Variants in PPP1R9A observed in about 807,000 individuals in gnomAD.
PPP1R9A encodes neurabin-1.
PPP1R9A carries 59 observed loss-of-function variants against 141.9 expected under a neutral mutation model. That is an observed-to-expected ratio of 0.42 (90% CI 0.34 to 0.52). PPP1R9A has a LOEUF of 0.52. Among genes scored for constraint, PPP1R9A ranks in the 20% least tolerant of loss-of-function variants. PPP1R9A has a pLI of 0.10. For missense variants in PPP1R9A, 1,444 were observed against 1,611.9 expected, an observed-to-expected ratio of 0.90 and a Z score of 1.78; for synonymous variants, 500 against 569.7, an observed-to-expected ratio of 0.88 and a Z score of 1.74.
chr7:95,219,236 T>G (rs1794026270), intron 7 of PPP1R9A, among the ~76,000 whole-genome samples: 1 of 152,158 alleles, frequency 6.6e-6, no homozygotes, highest in Non-Finnish European at 1.5e-5. Context: ...GAAGCTTAGT[T>G]TGGCTGGATA....
chr7:94,993,143 A>G (rs1801729229), intron 2 of PPP1R9A, among the ~76,000 whole-genome samples: 1 of 151,562 alleles, frequency 6.6e-6, no homozygotes, highest in Admixed American at 6.6e-5. Flanking sequence ...CCTTTTTTCA[A>G]AAAGACCATC....
intron 2 of PPP1R9A, among the ~76,000 whole-genome samples, chr7:95,026,786 A>C (rs1019383876): frequency 2.6e-5 from 4 of 152,084 alleles, no homozygotes; most frequent in Non-Finnish European, 5.9e-5. Flanking sequence ...CCTGCCCAGA[A>C]TGTGGGAATC....
intron 3 of PPP1R9A, among the ~76,000 whole-genome samples, chr7:95,112,041 A>G (rs568649029): frequency 9.1e-4 from 136 of 149,860 alleles, no homozygotes; most frequent in African/African-American, 3.0e-3. Flanking sequence ...GAGAGCTTTG[A>G]AAAAAAAAAG....
At chr7:95,278,297 A>C (rs1254816363) in intron 16 of PPP1R9A, among the ~76,000 whole-genome samples, 4 of 152,212 alleles carry the variant, frequency 2.6e-5, no homozygotes, top group Non-Finnish European at 4.4e-5. Context: ...GAGAATAATG[A>C]ATGCTGGACT....
chr7:94,966,071 C>G (rs971785402), intron 2 of PPP1R9A, among the ~76,000 whole-genome samples: 17 of 152,096 alleles, frequency 1.1e-4, no homozygotes, highest in African/African-American at 4.1e-4. Flanking sequence ...AGTTTATTCT[C>G]TTTGTAGCAA....
At position 95,290,458 on chromosome 7, in the gene PPP1R9A, T is replaced by C. The variant is rs1035887230; in HGVS notation, c.*155T>C. Reference sequence around the variant, plus strand: ...CTGTGTGTTGAATAACTGCATTTTCTGCAATAGAATGCACTCTTAATTTTA... The same window carrying C: ...CTGTGTGTTGAATAACTGCATTTTCCGCAATAGAATGCACTCTTAATTTTA... On this transcript the variant is annotated 3_prime_UTR_variant, in exon 20 of 20. Coordinates refer to ENST00000433360, the MANE Select transcript of PPP1R9A (RefSeq NM_001166160.2). 8 of 782,264 alleles carry C rather than the reference T, an allele frequency of 1.0e-5. No individual in the cohort carries two copies. In the Admixed American group the frequency reaches 1.8e-4, roughly 17 times the overall value. 48.5% of individuals were successfully genotyped at this position (782,264 alleles called of 1,614,324 possible). A position where few individuals can be genotyped will look rare whatever the true frequency, so the allele number is the denominator to read the frequency against.
intron 4 of PPP1R9A, among the ~76,000 whole-genome samples, chr7:95,161,666 A>G (rs911322703): frequency 6.6e-6 from 1 of 152,178 alleles, no homozygotes; most frequent in Non-Finnish European, 1.5e-5. Context: ...AAAATATTTT[A>G]TATCCACAAT....
chr7:95,249,656 A>G (rs1406357499), intron 9 of PPP1R9A, among the ~76,000 whole-genome samples: 1 of 151,970 alleles, frequency 6.6e-6, no homozygotes, highest in Non-Finnish European at 1.5e-5. Context: ...AATTTTTTAT[A>G]TATAATTATA....
intron 2 of PPP1R9A, among the ~76,000 whole-genome samples, chr7:95,059,901 C>T (rs750394733): frequency 2.0e-5 from 3 of 152,000 alleles, no homozygotes; most frequent in Non-Finnish European, 4.4e-5. Flanking sequence ...GGAGGGGAGA[C>T]GGGAACATCA....
chr7:95,177,173 G>T (rs2152773408), intron 5 of PPP1R9A, among the ~76,000 whole-genome samples: 1 of 152,250 alleles, frequency 6.6e-6, no homozygotes, highest in Admixed American at 6.5e-5. Flanking sequence ...AGACTTCTCA[G>T]CAGAAACCCT....
At chr7:94,970,632 C>CTTTTTTT (rs565331782) in intron 2 of PPP1R9A, among the ~76,000 whole-genome samples, 1 of 127,744 alleles carries the variant, frequency 7.8e-6, no homozygotes, top group Non-Finnish European at 1.7e-5. Flanking sequence ...TGCCAGCCAC[C>CTTTTTTT]TTTTTTTTTT....
intron 2 of PPP1R9A, among the ~76,000 whole-genome samples, chr7:94,944,395 C>A (rs1006166105): frequency 6.6e-6 from 1 of 152,048 alleles, no homozygotes; most frequent in African/African-American, 2.4e-5. Context: ...GCCCCTTACA[C>A]ACTCACTAAA....
intron 4 of PPP1R9A, among the ~76,000 whole-genome samples, chr7:95,121,793 A>G (rs998404763): frequency 6.6e-6 from 1 of 152,122 alleles, no homozygotes; most frequent in Non-Finnish European, 1.5e-5. Context: ...TTGCTTTTAT[A>G]ACAAACCCAC....
intron 9 of PPP1R9A, 29 bp from the exon 10 acceptor site, chr7:95,249,997 A>G (rs758573652): frequency 2.6e-5 from 40 of 1,536,404 alleles, no homozygotes; most frequent in Non-Finnish European, 3.3e-5. Context: ...TGGCCAAATT[A>G]TCTTTGCCTT....
chr7:94,983,076 A>C (rs1180721860), intron 2 of PPP1R9A, among the ~76,000 whole-genome samples: 2 of 152,082 alleles, frequency 1.3e-5, no homozygotes, highest in East Asian at 3.9e-4. Context: ...TAAATAGGGA[A>C]TTCCTATTTA....
chr7:95,013,606 G>A (rs535708831), intron 2 of PPP1R9A, among the ~76,000 whole-genome samples: 1 of 152,196 alleles, frequency 6.6e-6, no homozygotes, highest in African/African-American at 2.4e-5. Context: ...CCTGACTGCT[G>A]TTGTAGTGGG....
intron 2 of PPP1R9A, among the ~76,000 whole-genome samples, chr7:94,923,442 A>G (rs1198121685): frequency 2.0e-5 from 3 of 152,148 alleles, no homozygotes; most frequent in Non-Finnish European, 4.4e-5. Flanking sequence ...TGAAGGTGAG[A>G]CAGTGGAGAT....
intron 2 of PPP1R9A, among the ~76,000 whole-genome samples, chr7:94,912,630 C>G (rs1791593997): frequency 6.6e-6 from 1 of 152,056 alleles, no homozygotes; most frequent in Non-Finnish European, 1.5e-5. Context: ...TATAAATTTA[C>G]ATAGAAATAT....
intron 7 of PPP1R9A, among the ~76,000 whole-genome samples, chr7:95,214,718 T>C (rs1792921572): frequency 6.6e-6 from 1 of 152,116 alleles, no homozygotes; most frequent in African/African-American, 2.4e-5. Context: ...GAGTATACTT[T>C]CTAAAAGGAA....
Sources: gnomAD v4.1 joint callset for allele counts (sites outside exome capture counted in the v4.1 genomes callset) on GRCh38, gnomAD v4.1.1 for gene constraint, MANE v1.5 for transcripts, NCBI Gene and HGNC (gene_info 2026-07-23, HGNC 2026-07-21) for gene names.